Variants in NEDD4L observed in about 807,000 individuals in gnomAD.
NEDD4L encodes the protein NEDD4 like E3 ubiquitin protein ligase, also known as E3 ubiquitin-protein ligase NEDD4-like.
NEDD4L carries 54 observed loss-of-function variants against 148.9 expected under a neutral mutation model. The ratio of observed to expected loss-of-function variants is 0.36; its 90% CI spans 0.29 to 0.45. The LOEUF is 0.45. Ranked by LOEUF, NEDD4L falls within the 20% of genes least tolerant of loss-of-function variation. The pLI is 1.00. For synonymous variants in NEDD4L, 433 were observed against 440.7 expected, an observed-to-expected ratio of 0.98 and a Z score of 0.22; for missense variants, 856 against 1,233.8, an observed-to-expected ratio of 0.69 and a Z score of 4.59.
rs59191981 is a variant in NEDD4L, at chr18:58,134,658, C to T, written c.49-31130C>T. Among the ~76,000 whole-genome samples the T allele has an allele frequency of 1.3e-5, 2 of 149,986 alleles. 1 individual carries two copies. The highest frequency in any genetic ancestry group is 3.0e-5 in the Non-Finnish European group (2 of 67,514). ...AAGTGCTGGGATTACAGGCGTGAGCCACCGCGCCCGGCCGCAATTCCATTT... is the reference window on the plus strand; with the variant it reads ...AAGTGCTGGGATTACAGGCGTGAGCTACCGCGCCCGGCCGCAATTCCATTT... On this transcript the variant is annotated intron_variant, in intron 1 of 30. Coordinates refer to ENST00000400345, the MANE Select transcript of NEDD4L (RefSeq NM_001144967.3).
chr18:58,064,673 C>A (rs1005105740), intron 1 of NEDD4L, among the ~76,000 whole-genome samples: 1 of 152,072 alleles, frequency 6.6e-6, no homozygotes, highest in Non-Finnish European at 1.5e-5. Flanking sequence ...ATACAAGGGC[C>A]GATTGAAGCC....
chr18:58,314,399 A>C (rs1488777695), intron 5 of NEDD4L, among the ~76,000 whole-genome samples: 2 of 147,698 alleles, frequency 1.4e-5, no homozygotes, highest in African/African-American at 2.6e-5. Flanking sequence ...CCTGGGCGAC[A>C]GAGCAAGAGA....
rs76091029 is a variant in NEDD4L, at chr18:58,258,213, C to T, written c.297+6159C>T. Among the ~76,000 whole-genome samples the T allele has an allele frequency of 2.3e-3, 347 of 152,286 alleles. 2 individuals are homozygous for T. The highest frequency in any genetic ancestry group is 3.6e-3 in the Non-Finnish European group (245 of 68,032). Reference sequence around the variant, plus strand: ...GTCTGAACCTATACCATGTATTACACAATGGTACAAATTTTGACAGTGTTT... The same window carrying T: ...GTCTGAACCTATACCATGTATTACATAATGGTACAAATTTTGACAGTGTTT... On this transcript the variant is annotated intron_variant, in intron 5 of 30. Coordinates refer to ENST00000400345, the MANE Select transcript of NEDD4L (RefSeq NM_001144967.3).
At position 58,330,821 on chromosome 18, in the gene NEDD4L, A is replaced by T. The variant is rs886192205; in HGVS notation, c.897A>T (p.Gly299=). The change falls in exon 11 of 31, where the codon GGA becomes GGT. Residue 299 remains glycine (G), a synonymous_variant. Coordinates refer to ENST00000400345, the MANE Select transcript of NEDD4L (RefSeq NM_001144967.3). ...LALPPPPASP[G]SRTSPQELSE... is the part of the protein sequence containing the mutation. ...TGCCCCCACCACCGGCCTCCCCAGG[A>T]TCTCGGACCAGCCCTCAGGAGCTGT... is the stretch of plus-strand genomic sequence containing the variant. The T allele has an allele frequency of 1.2e-6, 2 of 1,613,906 alleles. No individual in the cohort carries two copies. Among genetic ancestry groups the T allele is most frequent in the Admixed American group, 1.7e-5 (1 of 60,022 alleles).
chr18:58,220,561 C>T (rs1467707422), intron 2 of NEDD4L, among the ~76,000 whole-genome samples: 1 of 152,226 alleles, frequency 6.6e-6, no homozygotes, highest in Non-Finnish European at 1.5e-5. Flanking sequence ...CTGGAAATCC[C>T]AGCGTTTGAA....
chr18:58,335,658 T>C, intron 13 of NEDD4L, 121 bp downstream of exon 13: 1 of 754,766 alleles, frequency 1.3e-6, no homozygotes. Flanking sequence ...GCTACAGAGC[T>C]GCACACGTTT....
At chr18:58,349,981 A>T (rs1322037762) in intron 17 of NEDD4L, among the ~76,000 whole-genome samples, 1 of 152,252 alleles carries the variant, frequency 6.6e-6, no homozygotes, top group Non-Finnish European at 1.5e-5. Context: ...AAAAATAATG[A>T]AAATAGTATG....
intron 30 of NEDD4L, among the ~76,000 whole-genome samples, chr18:58,395,498 C>G (rs2050373725): frequency 6.6e-6 from 1 of 151,816 alleles, no homozygotes; most frequent in African/African-American, 2.4e-5. Context: ...CCCGCCCCCA[C>G]CTGAAGCCTC....
At chr18:58,221,114 CT>C (rs1394522823) in intron 2 of NEDD4L, among the ~76,000 whole-genome samples, 1 of 152,086 alleles carries the variant, frequency 6.6e-6, no homozygotes, top group Non-Finnish European at 1.5e-5. Flanking sequence ...AGACAATAAG[CT>C]TTTGGAGGGC....
At chr18:58,185,628 C>G (rs888073022) in intron 2 of NEDD4L, among the ~76,000 whole-genome samples, 1 of 152,210 alleles carries the variant, frequency 6.6e-6, no homozygotes, top group Non-Finnish European at 1.5e-5. Context: ...AATCCCAACA[C>G]TTTGGGAGGC....
intron 5 of NEDD4L, among the ~76,000 whole-genome samples, chr18:58,276,212 T>TTGGG (rs1555782967): frequency 5.2e-4 from 54 of 103,332 alleles, no homozygotes; most frequent in Non-Finnish European, 8.8e-4. Flanking sequence ...TTTTTTTTTT[T>TTGGG]GGGTGGGGAG....
Position 58,149,589 on chromosome 18 carries a change from G to A in NEDD4L, c.49-16199G>A, listed in dbSNP as rs529195349. 3.9e-5 allele frequency: 57 copies of A among 1,468,424 alleles called. No individual in the cohort carries two copies. The South Asian group carries it at 6.4e-4, about 17-fold the overall frequency. 91.0% of individuals were successfully genotyped at this position (1,468,424 alleles called of 1,614,324 possible). A position where few individuals can be genotyped will look rare whatever the true frequency, so the allele number is the denominator to read the frequency against. On this transcript the variant is annotated intron_variant, in intron 1 of 30. Transcript: ENST00000400345. ...CACTCGGTAAGACTTTGCTTGGTGG[G>A]GGAGGAGGTTTTACCTTCCTGTGGC... is the stretch of plus-strand genomic sequence containing the variant.
At chr18:58,191,963 G>A (rs58532155) in intron 2 of NEDD4L, among the ~76,000 whole-genome samples, 44,148 of 152,016 alleles carry the variant, frequency 0.29, 6,748 homozygotes, top group East Asian at 0.38. Context: ...TTGAGTTCAG[G>A]AGTTTGAGAC....
intron 2 of NEDD4L, among the ~76,000 whole-genome samples, chr18:58,181,642 G>A (rs2038879152): frequency 6.6e-6 from 1 of 151,726 alleles, no homozygotes; most frequent in South Asian, 2.1e-4. Flanking sequence ...TCGCTATATT[G>A]CCCAGGCTGG....
chr18:58,261,982 A>G (rs1397159415), intron 5 of NEDD4L, among the ~76,000 whole-genome samples: 4 of 152,202 alleles, frequency 2.6e-5, no homozygotes. Flanking sequence ...TAAATGTCAA[A>G]GGAAACTTTG....
chr18:58,343,414 C>T (rs1046685276), intron 16 of NEDD4L, among the ~76,000 whole-genome samples: 3 of 152,096 alleles, frequency 2.0e-5, no homozygotes, highest in Admixed American at 6.5e-5. Context: ...TAATTGATCC[C>T]GTCTCACAAA....
chr18:58,385,166 C>CTG (rs1489731773), intron 25 of NEDD4L, among the ~76,000 whole-genome samples: 1 of 152,086 alleles, frequency 6.6e-6, no homozygotes, highest in Non-Finnish European at 1.5e-5. Flanking sequence ...ACATGTATAC[C>CTG]TGTGTGTTCA....
chr18:58,066,707 T>A (rs1054026971), intron 1 of NEDD4L, among the ~76,000 whole-genome samples: 7 of 152,178 alleles, frequency 4.6e-5, no homozygotes, highest in Non-Finnish European at 8.8e-5. Context: ...TTCTGCAGGT[T>A]GTACAGGCTT....
intron 16 of NEDD4L, 93 bp from the exon 17 acceptor site, chr18:58,349,444 C>T (rs930300054): frequency 1.5e-5 from 15 of 993,202 alleles, no homozygotes. Flanking sequence ...AGCCTGGTTG[C>T]CTTGAAACAA....
Sources: allele counts gnomAD v4.1 joint callset (sites outside exome capture counted in the v4.1 genomes callset), GRCh38; gene constraint gnomAD v4.1.1; transcripts MANE v1.5; gene names NCBI Gene and HGNC (gene_info 2026-07-23, HGNC 2026-07-21).